KCNH5: variants seen among roughly 807,000 people sequenced by gnomAD.
KCNH5 encodes voltage-gated delayed rectifier potassium channel KCNH5.
A neutral mutation model predicts 96.1 loss-of-function variants in KCNH5; 46 were observed. The observed-to-expected ratio is 0.48, with a 90% CI of 0.38 to 0.61. The LOEUF (loss-of-function observed/expected upper bound fraction) is 0.61, where lower values mean the gene tolerates loss of function less well. KCNH5 is among the 20% of genes least tolerant of loss of function. The pLI, the probability that KCNH5 is intolerant of heterozygous loss-of-function variation, is 0.00. For synonymous variants in KCNH5, 439 were observed against 449.8 expected (o/e 0.98, Z 0.30); for missense variants, 907 against 1,225.8 (o/e 0.74, Z 3.88).
chr14:63,001,626 T>G (rs895181116), intron 3 of KCNH5, among the ~76,000 whole-genome samples, 167 bp from the exon 4 acceptor site: 1 of 152,232 alleles, frequency 6.6e-6, no homozygotes, highest in Non-Finnish European at 1.5e-5. Context: ...ACCTTTAATT[T>G]TGTATCAACT....
At chr14:63,038,748 T>G (rs1891769809) in intron 1 of KCNH5, among the ~76,000 whole-genome samples, 1 of 152,050 alleles carries the variant, frequency 6.6e-6, no homozygotes, top group African/African-American at 2.4e-5. Flanking sequence ...CTGCCTCCAT[T>G]TGATCAAATA....
chr14:62,857,669 T>C (rs1328665101), intron 7 of KCNH5, among the ~76,000 whole-genome samples: 3 of 152,180 alleles, frequency 2.0e-5, no homozygotes, highest in Admixed American at 6.5e-5. Flanking sequence ...AATCTTTTTA[T>C]GTTTTTCTGC....
At chr14:62,743,739 C>T (rs1468389823) in intron 10 of KCNH5, among the ~76,000 whole-genome samples, 1 of 152,094 alleles carries the variant, frequency 6.6e-6, no homozygotes, top group Non-Finnish European at 1.5e-5. Context: ...TGCCTATATC[C>T]ACAAAGTGTC....
chr14:62,907,691 A>T (rs908044069), intron 7 of KCNH5, among the ~76,000 whole-genome samples: 2 of 152,158 alleles, frequency 1.3e-5, no homozygotes, highest in African/African-American at 4.8e-5. Flanking sequence ...GGATTGCCAT[A>T]CCTAGTCATT....
At chr14:62,808,708 C>T (rs2140005562) in intron 8 of KCNH5, among the ~76,000 whole-genome samples, 1 of 152,124 alleles carries the variant, frequency 6.6e-6, no homozygotes, top group South Asian at 2.1e-4. Context: ...TCCTGTAATT[C>T]TAATATGACT....
intron 7 of KCNH5, among the ~76,000 whole-genome samples, chr14:62,901,175 A>G (rs1888917638): frequency 6.6e-6 from 1 of 151,874 alleles, no homozygotes. Flanking sequence ...TTTCATTCCC[A>G]AAAGTTTTAT....
intron 9 of KCNH5, among the ~76,000 whole-genome samples, chr14:62,787,521 G>A (rs1031469672): frequency 3.3e-5 from 5 of 152,226 alleles, no homozygotes; most frequent in Admixed American, 2.0e-4. Flanking sequence ...AATAACTGAT[G>A]AAGGTGACTA....
intron 8 of KCNH5, among the ~76,000 whole-genome samples, chr14:62,824,395 T>C (rs569611572): frequency 2.0e-5 from 3 of 152,064 alleles, no homozygotes; most frequent in Admixed American, 6.6e-5. Context: ...AAGTTTGGAG[T>C]TCAGGGCCTA....
chr14:62,835,396 A>G (rs899836263), intron 8 of KCNH5, among the ~76,000 whole-genome samples: 11 of 152,054 alleles, frequency 7.2e-5, no homozygotes, highest in African/African-American at 2.7e-4. Context: ...TAATGACCCA[A>G]CTGCTTTTGT....
rs140694243 is a variant in KCNH5 at position 62,703,006 on chromosome 14, G to T, written c.*4502C>A. The T allele has an allele frequency of 6.6e-6, 1 of 151,830 alleles. No individual in the cohort carries two copies. The highest frequency in any genetic ancestry group is 2.4e-5 in the African/African-American group (1 of 41,430). 9.4% of individuals were successfully genotyped at this position (151,830 alleles called of 1,614,324 possible). A position where few individuals can be genotyped will look rare whatever the true frequency, so the allele number is the denominator to read the frequency against. On this transcript the variant is annotated 3_prime_UTR_variant, in exon 11 of 11. Transcript: ENST00000322893. ...AGTTTTGTTACATAGATACATTGGTGAACTACTCTATACCTTGGCCACTTA... is the reference window on the plus strand; with the variant it reads ...AGTTTTGTTACATAGATACATTGGTTAACTACTCTATACCTTGGCCACTTA...
At chr14:62,993,876 C>A (rs1374757817) in intron 4 of KCNH5, among the ~76,000 whole-genome samples, 2 of 152,008 alleles carry the variant, frequency 1.3e-5, no homozygotes, top group African/African-American at 4.8e-5. Context: ...CAGGGTAATG[C>A]AAACAGAGAG....
chr14:62,947,794 T>C (rs771614477), intron 7 of KCNH5, among the ~76,000 whole-genome samples: 117 of 150,336 alleles, frequency 7.8e-4, no homozygotes, highest in Non-Finnish European at 1.4e-3. Context: ...TAATCACACC[T>C]TCAGTACAAT....
intron 7 of KCNH5, among the ~76,000 whole-genome samples, chr14:62,851,539 C>T (rs1887806475): frequency 7.1e-6 from 1 of 141,726 alleles, no homozygotes; most frequent in Admixed American, 7.1e-5. Flanking sequence ...ACAGACTTAA[C>T]ATCTCTATTC....
At chr14:62,739,445 T>A (rs1595601115) in intron 10 of KCNH5, among the ~76,000 whole-genome samples, 1 of 134,812 alleles carries the variant, frequency 7.4e-6, no homozygotes, top group Admixed American at 7.0e-5. Flanking sequence ...ATGCGAGAAA[T>A]TTTTTTTTCT....
intron 7 of KCNH5, among the ~76,000 whole-genome samples, chr14:62,902,189 T>C (rs755680029): frequency 6.6e-6 from 1 of 151,510 alleles, no homozygotes; most frequent in Non-Finnish European, 1.5e-5. Context: ...GATGGTTTCT[T>C]TTGCTATGCA....
intron 7 of KCNH5, among the ~76,000 whole-genome samples, chr14:62,917,655 G>C (rs1319159954): frequency 6.6e-6 from 1 of 152,062 alleles, no homozygotes; most frequent in Non-Finnish European, 1.5e-5. Context: ...AATATGCCTG[G>C]CTGCAAATGG....
At chr14:62,925,344 G>C (rs775130635) in intron 7 of KCNH5, among the ~76,000 whole-genome samples, 1 of 151,866 alleles carries the variant, frequency 6.6e-6, no homozygotes, top group African/African-American at 2.4e-5. Context: ...CTAATGTATG[G>C]CATTAAACCA....
At chr14:62,832,964 A>C (rs1887386777) in intron 8 of KCNH5, among the ~76,000 whole-genome samples, 1 of 146,184 alleles carries the variant, frequency 6.8e-6, no homozygotes, top group Admixed American at 6.8e-5. Flanking sequence ...AAATTTGGTT[A>C]TTTGTGGGTT....
At chr14:62,780,098 A>T (rs1484926493) in intron 9 of KCNH5, among the ~76,000 whole-genome samples, 174 bp from the exon 10 acceptor site, 1 of 152,258 alleles carries the variant, frequency 6.6e-6, no homozygotes, top group African/African-American at 2.4e-5. Flanking sequence ...TATGTAAAGT[A>T]ACATCACCCT....
Sources: gnomAD v4.1 joint callset for allele counts (sites outside exome capture counted in the v4.1 genomes callset) on GRCh38, gnomAD v4.1.1 for gene constraint, MANE v1.5 for transcripts, NCBI Gene and HGNC (gene_info 2026-07-23, HGNC 2026-07-21) for gene names.